THSD7B: variants seen among roughly 807,000 people sequenced by gnomAD.
The protein encoded by THSD7B is thrombospondin type-1 domain-containing protein 7B.
A neutral mutation model predicts 213.6 loss-of-function variants in THSD7B; 138 were observed. The observed-to-expected ratio is 0.65, with a 90% CI of 0.56 to 0.74. The LOEUF (loss-of-function observed/expected upper bound fraction) is 0.74, where lower values mean the gene tolerates loss of function less well. Among genes scored for constraint, THSD7B ranks in the 30% least tolerant of loss-of-function variants. THSD7B has a pLI of 0.00. For missense variants in THSD7B, 1,931 were observed against 1,991.5 expected, an observed-to-expected ratio of 0.97 and a Z score of 0.58; for synonymous variants, 742 against 687.0, an observed-to-expected ratio of 1.08 and a Z score of -1.25.
At chr2:136,897,648 T>A (rs1482570346) in intron 2 of THSD7B, among the ~76,000 whole-genome samples, 7 of 152,226 alleles carry the variant, frequency 4.6e-5, no homozygotes, top group African/African-American at 9.7e-5. Context: ...GGTGGCCAGC[T>A]TTTATTCCCT....
intron 12 of THSD7B, among the ~76,000 whole-genome samples, chr2:137,371,644 A>C (rs1685537087): frequency 6.6e-6 from 1 of 152,088 alleles, no homozygotes. Flanking sequence ...CTATAATCTA[A>C]ATGTTAAACT....
At chr2:137,003,924 T>C (rs1381345054) in intron 2 of THSD7B, among the ~76,000 whole-genome samples, 2 of 152,188 alleles carry the variant, frequency 1.3e-5, no homozygotes, top group African/African-American at 4.8e-5. Flanking sequence ...TTTTCTATAC[T>C]ATGTTACTTT....
chr2:137,007,682 A>G (rs528242153), intron 2 of THSD7B, among the ~76,000 whole-genome samples: 2 of 152,160 alleles, frequency 1.3e-5, no homozygotes, highest in Admixed American at 6.5e-5. Context: ...ACACACTTGT[A>G]TCATTTTGGT....
intron 6 of THSD7B, among the ~76,000 whole-genome samples, chr2:137,166,754 T>G (rs1680138569): frequency 6.6e-6 from 1 of 152,242 alleles, no homozygotes; most frequent in Admixed American, 6.5e-5. Context: ...CATCCTTGTC[T>G]GCTAGATAGG....
chr2:137,553,311 G>A (rs1573703312), intron 15 of THSD7B, among the ~76,000 whole-genome samples: 1 of 152,226 alleles, frequency 6.6e-6, no homozygotes, highest in East Asian at 1.9e-4. Flanking sequence ...TGTGGTTGTT[G>A]TTAAAGGATT....
At chr2:137,127,019 A>G (rs1329799454) in intron 5 of THSD7B, among the ~76,000 whole-genome samples, 1 of 152,118 alleles carries the variant, frequency 6.6e-6, no homozygotes, top group Non-Finnish European at 1.5e-5. Flanking sequence ...AACAATGACA[A>G]TAATAACATC....
intron 1 of THSD7B, among the ~76,000 whole-genome samples, chr2:136,839,354 A>G (rs540420522): frequency 1.3e-5 from 2 of 152,340 alleles, no homozygotes; most frequent in East Asian, 1.9e-4. Flanking sequence ...CCTGTCTGGT[A>G]GGAACTTCTT....
intron 12 of THSD7B, among the ~76,000 whole-genome samples, chr2:137,350,206 A>T (rs756950953): frequency 4.0e-5 from 6 of 151,876 alleles, no homozygotes; most frequent in Non-Finnish European, 8.8e-5. Flanking sequence ...TCTGATAAGC[A>T]TTACAAAGGA....
intron 9 of THSD7B, 148 bp downstream of exon 9, chr2:137,233,281 C>T: frequency 1.4e-6 from 1 of 709,138 alleles, no homozygotes. Context: ...AAGATTAAAA[C>T]ATGTGCCTCA....
At chr2:137,122,910 G>A (rs1369659159) in intron 5 of THSD7B, among the ~76,000 whole-genome samples, 1 of 152,084 alleles carries the variant, frequency 6.6e-6, no homozygotes, top group Non-Finnish European at 1.5e-5. Flanking sequence ...TTGTCTCACT[G>A]CATGATAATT....
intron 2 of THSD7B, among the ~76,000 whole-genome samples, chr2:136,914,060 C>A (rs529815684): frequency 3.3e-5 from 5 of 152,312 alleles, no homozygotes; most frequent in African/African-American, 7.2e-5. Context: ...CCCTTTAAAG[C>A]CACTGGGGTG....
intron 7 of THSD7B, among the ~76,000 whole-genome samples, chr2:137,218,477 T>C (rs1681296316): frequency 6.6e-6 from 1 of 152,100 alleles, no homozygotes; most frequent in South Asian, 2.1e-4. Flanking sequence ...AACATGGCAG[T>C]GCCAAATTGA....
At chr2:137,459,125 A>T (rs1687828085) in intron 15 of THSD7B, among the ~76,000 whole-genome samples, 1 of 152,144 alleles carries the variant, frequency 6.6e-6, no homozygotes, top group Admixed American at 6.6e-5. Flanking sequence ...CTAGTTTGAA[A>T]ATTAAATCCA....
intron 2 of THSD7B, among the ~76,000 whole-genome samples, chr2:136,954,648 C>T (rs533855310): frequency 2.0e-4 from 27 of 137,590 alleles, no homozygotes; most frequent in African/African-American, 4.6e-4. Flanking sequence ...CCCCGGGGAG[C>T]GGAGACTGCA....
chr2:137,551,508 A>G (rs920382422), intron 15 of THSD7B, among the ~76,000 whole-genome samples: 8 of 152,124 alleles, frequency 5.3e-5, no homozygotes, highest in African/African-American at 1.4e-4. Flanking sequence ...TTGCAATAAT[A>G]TTGCTGTCCT....
At chr2:137,500,017 T>A (rs1022576315) in intron 15 of THSD7B, among the ~76,000 whole-genome samples, 1 of 152,186 alleles carries the variant, frequency 6.6e-6, no homozygotes, top group Non-Finnish European at 1.5e-5. Flanking sequence ...TATAGCAGTA[T>A]GTAATCCTTG....
chr2:137,019,178 C>G (rs372383022), intron 2 of THSD7B, among the ~76,000 whole-genome samples: 2 of 152,184 alleles, frequency 1.3e-5, no homozygotes, highest in South Asian at 2.1e-4. Flanking sequence ...ACCCCACTCG[C>G]CTCCATTCCA....
intron 4 of THSD7B, among the ~76,000 whole-genome samples, chr2:137,110,445 T>G (rs1320590592): frequency 6.6e-6 from 1 of 152,230 alleles, no homozygotes; most frequent in African/African-American, 2.4e-5. Flanking sequence ...GTAGGAGTTA[T>G]TCTTCCTGTG....
intron 12 of THSD7B, among the ~76,000 whole-genome samples, chr2:137,327,708 T>C (rs1364119742): frequency 6.6e-6 from 1 of 152,184 alleles, no homozygotes; most frequent in Non-Finnish European, 1.5e-5. Flanking sequence ...GACTTTGACA[T>C]GTAGAAGGCT....
Sources: allele counts gnomAD v4.1 joint callset (sites outside exome capture counted in the v4.1 genomes callset), GRCh38; gene constraint gnomAD v4.1.1; transcripts MANE v1.5; gene names NCBI Gene and HGNC (gene_info 2026-07-23, HGNC 2026-07-21).